Variants in RGS3 observed in about 807,000 individuals in gnomAD.
RGS3 encodes the protein regulator of G-protein signalling 3.
In RGS3, 80 loss-of-function variants were observed where a neutral mutation model predicts 132.6. That is an observed-to-expected ratio of 0.60 (90% CI 0.50 to 0.73). The LOEUF (loss-of-function observed/expected upper bound fraction) is 0.73. Among genes scored for constraint, RGS3 ranks in the 30% least tolerant of loss-of-function variants. The pLI is 0.00. For synonymous variants in RGS3, 598 were observed against 620.6 expected, an observed-to-expected ratio of 0.96 and a Z score of 0.54; for missense variants, 1,382 against 1,530.8, an observed-to-expected ratio of 0.90 and a Z score of 1.62.
At chr9:113,501,470 G>A (rs1172761554) in intron 10 of RGS3, 37 of 1,505,534 alleles carry the variant, frequency 2.5e-5, no homozygotes, top group Non-Finnish European at 3.1e-5. Flanking sequence ...TCTGTGGGGC[G>A]GGCTTCCCAG....
At chr9:113,556,939 A>C (rs1012587866) in intron 19 of RGS3, among the ~76,000 whole-genome samples, 1 of 151,070 alleles carries the variant, frequency 6.6e-6, no homozygotes, top group African/African-American at 2.4e-5. Context: ...CCCTCTTCCT[A>C]CTCCTGTCCA....
intron 19 of RGS3, among the ~76,000 whole-genome samples, chr9:113,569,629 C>A (rs563384326): frequency 2.0e-5 from 3 of 149,032 alleles, no homozygotes; most frequent in Non-Finnish European, 4.5e-5. Flanking sequence ...TTCCTTCCTT[C>A]CTTCCTTCCT....
chr9:113,562,191 C>A (rs1366283078), intron 19 of RGS3, among the ~76,000 whole-genome samples: 1 of 152,106 alleles, frequency 6.6e-6, no homozygotes, highest in African/African-American at 2.4e-5. Context: ...GAAATCATAT[C>A]TGAGGCTGGG....
chr9:113,520,410 C>T (rs1831887477), intron 16 of RGS3, among the ~76,000 whole-genome samples: 1 of 152,208 alleles, frequency 6.6e-6, no homozygotes, highest in Non-Finnish European at 1.5e-5. Flanking sequence ...CCTGTCTAGA[C>T]CATATTCTCA....
At chr9:113,561,870 G>T (rs1564571754) in intron 19 of RGS3, among the ~76,000 whole-genome samples, 3 of 152,214 alleles carry the variant, frequency 2.0e-5, no homozygotes, top group East Asian at 3.8e-4. Context: ...CCTGGGGCCT[G>T]TCTAAAGACT....
chr9:113,591,993 G>A lies in RGS3; in HGVS notation c.3080+596G>A. The A allele has an allele frequency of 6.5e-6, 1 of 153,648 alleles. No individual in the cohort carries two copies. Among genetic ancestry groups the A allele is most frequent in the East Asian group, 1.9e-4 (1 of 5,226 alleles). The allele number at this position is 153,648 out of a possible 1,614,324, so 9.5% of individuals were successfully genotyped here. ...TTCTACCCCCAGGCCTAAGACCCTG[G>A]AGACTCGGGGGAGGTATAGGGAGGA... is the stretch of plus-strand genomic sequence containing the variant. On this transcript the variant is annotated intron_variant, in intron 21 of 24. Transcript: ENST00000350696. This position sits in a 1 kb window ranked among gnomAD's most constrained non-coding sequence, Gnocchi z 4.4.
At chr9:113,462,424 G>T (rs991141863) in intron 3 of RGS3, among the ~76,000 whole-genome samples, 3 of 152,204 alleles carry the variant, frequency 2.0e-5, no homozygotes, top group Admixed American at 6.5e-5. Context: ...GGCTCCTTCT[G>T]CAGTTTCTGC....
intron 19 of RGS3, chr9:113,583,136 A>G (rs1382701310): frequency 1.2e-5 from 5 of 405,618 alleles, no homozygotes; most frequent in Non-Finnish European, 2.2e-5. Context: ...GGAAGGCCAC[A>G]TAAGAGAGTG....
intron 7 of RGS3, among the ~76,000 whole-genome samples, chr9:113,491,880 A>G (rs549114698): frequency 6.6e-6 from 1 of 152,342 alleles, no homozygotes; most frequent in East Asian, 1.9e-4. Context: ...TACTAATAGT[A>G]GGTACATTTA....
At chr9:113,510,971 C>T (rs549397278) in intron 14 of RGS3, among the ~76,000 whole-genome samples, 16 of 152,350 alleles carry the variant, frequency 1.1e-4, no homozygotes, top group African/African-American at 3.8e-4. Context: ...AGGGTGCTGG[C>T]TTCTTAGTCC....
chr9:113,539,170 G>A (rs775638148), intron 19 of RGS3, among the ~76,000 whole-genome samples: 5 of 152,168 alleles, frequency 3.3e-5, no homozygotes, highest in Non-Finnish European at 7.3e-5. Context: ...GCTCAGTTCC[G>A]TCAGTTCCTG....
intron 18 of RGS3, chr9:113,536,349 A>G (rs1266899466): frequency 2.2e-5 from 8 of 368,382 alleles, no homozygotes; most frequent in African/African-American, 1.8e-4. Context: ...TTGGGATCAG[A>G]GAAGAGCGCT....
intron 19 of RGS3, among the ~76,000 whole-genome samples, chr9:113,561,898 TA>T (rs773037076): frequency 6.6e-5 from 10 of 152,256 alleles, no homozygotes; most frequent in Admixed American, 1.3e-4. Context: ...TGCTTGGGGG[TA>T]CTGTATTCCA....
exon 15 of RGS3, chr9:113,514,508 T>A: frequency 6.2e-7 from 1 of 1,614,084 alleles, no homozygotes; most frequent in Non-Finnish European, 8.5e-7. Flanking sequence ...GGGGAAGAAG[T>A]CCCGGCTGAT....
At chr9:113,458,092 G>A (rs748144606), upstream of RGS3, among the ~76,000 whole-genome samples, 20 of 152,094 alleles carry the variant, frequency 1.3e-4, no homozygotes, top group Non-Finnish European at 2.4e-4. Context: ...ATGCATGATC[G>A]AGTCAGTAGA....
chr9:113,467,934 C>T (rs1829703145), intron 3 of RGS3, among the ~76,000 whole-genome samples: 1 of 152,144 alleles, frequency 6.6e-6, no homozygotes, highest in East Asian at 1.9e-4. Flanking sequence ...CCTATGTTGC[C>T]CAAGCTAGTC....
chr9:113,563,969 G>C (rs995705220), intron 19 of RGS3, among the ~76,000 whole-genome samples: 1 of 152,080 alleles, frequency 6.6e-6, no homozygotes, highest in Non-Finnish European at 1.5e-5. Flanking sequence ...GGCTCCTTCT[G>C]TCCATTTTTT....
At position 113,507,957 on chromosome 9, in the gene RGS3, C is replaced by T. The variant is rs926581565; in HGVS notation, c.1437+319C>T. On this transcript the variant is annotated intron_variant, in intron 13 of 24. Coordinates refer to ENST00000350696, the Ensembl canonical transcript of RGS3. This position sits in a 1 kb window ranked among gnomAD's most constrained non-coding sequence, Gnocchi z 5.0. ...GGCTGCCTTGGTAGGTGGTGAGCCCCCATCATAGGAGGTATGAAAGCAGAC... is the reference window on the plus strand; with the variant it reads ...GGCTGCCTTGGTAGGTGGTGAGCCCTCATCATAGGAGGTATGAAAGCAGAC... Among the ~76,000 whole-genome samples, 11 of 152,140 alleles carry T rather than the reference C, an allele frequency of 7.2e-5. No individual in the cohort carries two copies. Among genetic ancestry groups the T allele is most frequent in the South Asian group, 2.1e-4 (1 of 4,820 alleles).
chr9:113,511,115 C>T (rs970337046), intron 14 of RGS3, among the ~76,000 whole-genome samples: 7 of 152,120 alleles, frequency 4.6e-5, no homozygotes, highest in Admixed American at 2.0e-4. Flanking sequence ...AGTGCCTGCC[C>T]GGCTGTGGTT....
Sources: allele counts gnomAD v4.1 joint callset (sites outside exome capture counted in the v4.1 genomes callset), GRCh38; gene constraint gnomAD v4.1.1; non-coding constraint Gnocchi (gnomAD v3.1); transcripts MANE v1.5; gene names NCBI Gene and HGNC (gene_info 2026-07-23, HGNC 2026-07-21).